Variants in PREX2 observed in about 807,000 individuals in gnomAD.
The protein encoded by PREX2 is phosphatidylinositol-3,4,5-trisphosphate dependent Rac exchange factor 2.
In PREX2, 107 loss-of-function variants were observed where a neutral mutation model predicts 203.2. The ratio of observed to expected loss-of-function variants is 0.53; its 90% confidence interval spans 0.45 to 0.62. PREX2 has a LOEUF of 0.62. Ranked by LOEUF, PREX2 falls within the 20% of genes least tolerant of loss-of-function variation. The pLI is 0.00. For synonymous variants in PREX2, 672 were observed against 663.6 expected, an observed-to-expected ratio of 1.01 and a Z score of -0.19; for missense variants, 1,777 against 1,955.9, an observed-to-expected ratio of 0.91 and a Z score of 1.72.
intron 35 of PREX2, among the ~76,000 whole-genome samples, chr8:68,169,002 TAAGTAAAATA>T (rs756371607): frequency 1.3e-5 from 2 of 152,034 alleles, no homozygotes; most frequent in Non-Finnish European, 2.9e-5. Flanking sequence ...CAAACTGGCA[TAAGTAAAATA>T]CTGACTTGGC....
At chr8:68,006,357 C>A (rs1373730984) in intron 1 of PREX2, among the ~76,000 whole-genome samples, 1 of 152,252 alleles carries the variant, frequency 6.6e-6, no homozygotes, top group African/African-American at 2.4e-5. Flanking sequence ...ATTCTATCCT[C>A]AGTCTTGATT....
At chr8:68,124,813 T>A (rs374322042) in intron 30 of PREX2, among the ~76,000 whole-genome samples, 3 of 152,176 alleles carry the variant, frequency 2.0e-5, no homozygotes, top group East Asian at 3.9e-4. Context: ...GATGGATTGA[T>A]TGATATGTGT....
Position 68,080,600 on chromosome 8 carries a change from A to G in PREX2, c.1785+15A>G. Reference sequence around the variant, plus strand: ...AGTCATTATTGGTAAGTTTATTGATATGTTATATAAGTTTTCTTCTTGATT... The same window carrying G: ...AGTCATTATTGGTAAGTTTATTGATGTGTTATATAAGTTTTCTTCTTGATT... On this transcript the variant is annotated intron_variant, in intron 16 of 39. Coordinates refer to ENST00000288368, the MANE Select transcript of PREX2 (RefSeq NM_024870.4). 2 of 1,577,682 alleles carry G rather than the reference A, an allele frequency of 1.3e-6. No individual in the cohort carries two copies. Among genetic ancestry groups the G allele is most frequent in the South Asian group, 1.1e-5 (1 of 87,424 alleles).
intron 25 of PREX2, among the ~76,000 whole-genome samples, chr8:68,111,859 C>T: frequency 6.6e-6 from 1 of 151,936 alleles, no homozygotes; most frequent in East Asian, 1.9e-4. Flanking sequence ...ATTTTCTCAC[C>T]CTATAGTAAT....
At chr8:68,039,733 G>A (rs1252685214) in intron 7 of PREX2, among the ~76,000 whole-genome samples, 5 of 152,086 alleles carry the variant, frequency 3.3e-5, no homozygotes, top group African/African-American at 1.2e-4. Flanking sequence ...CTTGGTTCCT[G>A]TTTTTCCCTC....
intron 6 of PREX2, among the ~76,000 whole-genome samples, chr8:68,034,961 C>T (rs1370283725): frequency 1.3e-5 from 2 of 152,090 alleles, no homozygotes; most frequent in South Asian, 4.2e-4. Context: ...TGGAAAAAGA[C>T]CACTGAAAAT....
chr8:68,162,637 A>G (rs188510202), intron 35 of PREX2, among the ~76,000 whole-genome samples: 235 of 152,280 alleles, frequency 1.5e-3, no homozygotes, highest in African/African-American at 5.1e-3. Flanking sequence ...TTCCACACCA[A>G]GTACAGAGCT....
chr8:68,114,113 C>T (rs936337914), intron 25 of PREX2, among the ~76,000 whole-genome samples: 4 of 152,132 alleles, frequency 2.6e-5, no homozygotes, highest in South Asian at 2.1e-4. Flanking sequence ...CCACCCACCT[C>T]GGCCTCCCAA....
At chr8:68,044,788 A>G (rs1005268008) in intron 8 of PREX2, among the ~76,000 whole-genome samples, 198 bp downstream of exon 8, 4 of 152,132 alleles carry the variant, frequency 2.6e-5, no homozygotes, top group Admixed American at 1.3e-4. Flanking sequence ...AAAATTATAT[A>G]TAGCCAAAAC....
intron 1 of PREX2, among the ~76,000 whole-genome samples, chr8:67,957,682 A>G (rs1043810965): frequency 2.0e-5 from 3 of 152,252 alleles, no homozygotes; most frequent in Non-Finnish European, 4.4e-5. Context: ...AAAAGCAAAC[A>G]AAGCAGAATT....
rs1216118164 is a variant in PREX2, at chr8:68,093,844, A to G, written c.2368+122A>G. 12 of 504,556 alleles carry G rather than the reference A, an allele frequency of 2.4e-5. No homozygotes were observed. The East Asian group carries it at 3.6e-4, about 15-fold the overall frequency. The allele number at this position is 504,556 out of a possible 1,614,324, so 31.3% of individuals were successfully genotyped here. ...CCACATTCTTAAGTCGTTATCACCA[A>G]ACAGATGTCTGTCAAATGCATAAGT... On this transcript the variant is annotated intron_variant, in intron 21 of 39. Coordinates refer to ENST00000288368, the MANE Select transcript of PREX2 (RefSeq NM_024870.4).
chr8:68,023,063 G>A (rs1807615967), intron 4 of PREX2, among the ~76,000 whole-genome samples: 1 of 152,084 alleles, frequency 6.6e-6, no homozygotes. Context: ...TCCAGTTTGG[G>A]CTCCTATAAA....
At chr8:68,072,851 G>T (rs573838067) in intron 14 of PREX2, among the ~76,000 whole-genome samples, 1 of 152,046 alleles carries the variant, frequency 6.6e-6, no homozygotes, top group Non-Finnish European at 1.5e-5. Flanking sequence ...CTGAAGAATA[G>T]CTATGCTCAT....
At chr8:68,084,475 A>G (rs1219219130) in intron 18 of PREX2, among the ~76,000 whole-genome samples, 4 of 152,136 alleles carry the variant, frequency 2.6e-5, no homozygotes, top group Non-Finnish European at 4.4e-5. Context: ...AGCTGGATGT[A>G]CTTCTGCAGT....
chr8:67,956,032 A>C, intron 1 of PREX2, among the ~76,000 whole-genome samples: 1 of 152,218 alleles, frequency 6.6e-6, no homozygotes, highest in East Asian at 1.9e-4. Flanking sequence ...GTTTGAGATC[A>C]TGGATAGGTT....
intron 23 of PREX2, among the ~76,000 whole-genome samples, chr8:68,101,604 A>C (rs1228491721): frequency 6.6e-6 from 1 of 152,096 alleles, no homozygotes; most frequent in Non-Finnish European, 1.5e-5. Context: ...GTAAAATTGA[A>C]GTAAAAGGTC....
At chr8:68,146,638 T>G (rs774111415) in intron 34 of PREX2, among the ~76,000 whole-genome samples, 11 of 152,168 alleles carry the variant, frequency 7.2e-5, no homozygotes, top group Non-Finnish European at 1.6e-4. Context: ...TAAATTATGG[T>G]AAAATCATTA....
rs531125158 is a variant in PREX2 at position 68,011,610 on chromosome 8, G to A, written c.142-6236G>A. On this transcript the variant is annotated intron_variant, in intron 1 of 39. Transcript: ENST00000288368. The stretch of plus-strand genomic sequence containing the variant: ...TGTTAATTTTCTCCAAGTGTTTGAA[G>A]AGAGGCTGTAATTATTGACTTTTAT... 7.2e-5 allele frequency among the ~76,000 whole-genome samples: 11 copies of A among 152,198 alleles called. No homozygotes were observed. In the South Asian group the frequency reaches 2.1e-3, roughly 29 times the overall value.
chr8:68,107,270 T>A (rs943045658), intron 23 of PREX2, among the ~76,000 whole-genome samples: 1 of 151,716 alleles, frequency 6.6e-6, no homozygotes, highest in Non-Finnish European at 1.5e-5. Context: ...GTAGAAAGGG[T>A]CAGAGTGAGT....
Sources: gnomAD v4.1 joint callset for allele counts (sites outside exome capture counted in the v4.1 genomes callset) on GRCh38, gnomAD v4.1.1 for gene constraint, MANE v1.5 for transcripts, NCBI Gene and HGNC (gene_info 2026-07-23, HGNC 2026-07-21) for gene names.